The following DLG2 variants were observed in gnomAD, a reference collection of about 807,000 sequenced individuals.
The protein encoded by DLG2 is discs large MAGUK scaffold protein 2.
In DLG2, 45 loss-of-function variants were observed where a neutral mutation model predicts 132.5. That is an observed-to-expected ratio of 0.34 (90% CI 0.27 to 0.44). The LOEUF (loss-of-function observed/expected upper bound fraction) is 0.44. DLG2 is among the 20% of genes least tolerant of loss of function. The probability of loss-of-function intolerance (pLI) is 1.00; values close to 1 mark genes in which losing one functional copy is unlikely to be tolerated. For missense variants in DLG2, 1,045 were observed against 1,196.9 expected, an observed-to-expected ratio of 0.87 and a Z score of 1.87; for synonymous variants, 424 against 419.6, an observed-to-expected ratio of 1.01 and a Z score of -0.13.
chr11:83,722,862 T>C (rs114365074), intron 18 of DLG2, among the ~76,000 whole-genome samples: 1,865 of 152,320 alleles, frequency 0.012, 32 homozygotes, highest in African/African-American at 0.042. Context: ...TATAGGAGCA[T>C]ATGAAATGAC....
At chr11:83,679,723 C>T (rs1028880601) in intron 18 of DLG2, among the ~76,000 whole-genome samples, 7 of 152,136 alleles carry the variant, frequency 4.6e-5, no homozygotes, top group African/African-American at 1.7e-4. Context: ...TTTCATTGGG[C>T]ATCACTTTGT....
At chr11:83,636,628 C>A (rs2064921988) in intron 18 of DLG2, among the ~76,000 whole-genome samples, 2 of 152,128 alleles carry the variant, frequency 1.3e-5, no homozygotes, top group Admixed American at 1.3e-4. Context: ...GGAAACAATT[C>A]TCTGACACTT....
At chr11:84,334,460 T>G (rs1249142499) in intron 7 of DLG2, among the ~76,000 whole-genome samples, 2 of 152,190 alleles carry the variant, frequency 1.3e-5, no homozygotes, top group Non-Finnish European at 2.9e-5. Context: ...AGTGACATAT[T>G]ACAAGTTTTC....
intron 6 of DLG2, among the ~76,000 whole-genome samples, chr11:84,943,647 C>A (rs1404152232): frequency 6.6e-6 from 1 of 152,222 alleles, no homozygotes; most frequent in African/African-American, 2.4e-5. Flanking sequence ...TTCATCCCCC[C>A]GATTTTTAAC....
At chr11:84,345,679 G>A (rs1352493762) in intron 7 of DLG2, among the ~76,000 whole-genome samples, 1 of 151,712 alleles carries the variant, frequency 6.6e-6, no homozygotes, top group African/African-American at 2.4e-5. Flanking sequence ...TCCTTCTCTG[G>A]TACTTTGTAA....
At chr11:85,605,216 C>G (rs990833230) in intron 2 of DLG2, among the ~76,000 whole-genome samples, 1 of 152,122 alleles carries the variant, frequency 6.6e-6, no homozygotes, top group Non-Finnish European at 1.5e-5. Context: ...AGTGGCTTGT[C>G]CAAGATCACA....
chr11:84,815,839 A>G (rs1269656927), intron 6 of DLG2, among the ~76,000 whole-genome samples: 3 of 152,046 alleles, frequency 2.0e-5, no homozygotes, highest in Non-Finnish European at 2.9e-5. Flanking sequence ...ATAGTGTGCC[A>G]CCTCATAGTG....
chr11:83,764,918 G>C (rs2094077237), intron 18 of DLG2, among the ~76,000 whole-genome samples: 1 of 152,222 alleles, frequency 6.6e-6, no homozygotes, highest in South Asian at 2.1e-4. Flanking sequence ...AGAATGATAG[G>C]CTGATAGGCC....
intron 9 of DLG2, among the ~76,000 whole-genome samples, chr11:84,127,480 T>G (rs2094227956): frequency 6.6e-6 from 1 of 152,224 alleles, no homozygotes; most frequent in Non-Finnish European, 1.5e-5. Context: ...CAAGGTTGAT[T>G]CCTTGTGAGG....
intron 5 of DLG2, among the ~76,000 whole-genome samples, chr11:85,130,705 A>C (rs1283038732): frequency 6.6e-6 from 1 of 152,212 alleles, no homozygotes; most frequent in Non-Finnish European, 1.5e-5. Flanking sequence ...GTATTAAACT[A>C]AGATATAATT....
chr11:85,600,252 AG>A (rs1262300245), intron 2 of DLG2, among the ~76,000 whole-genome samples: 1 of 152,056 alleles, frequency 6.6e-6, no homozygotes, highest in Non-Finnish European at 1.5e-5. Context: ...TGCTTACTCA[AG>A]GAAATTGTTC....
chr11:84,483,019 G>A (rs1184786592), intron 7 of DLG2, among the ~76,000 whole-genome samples: 1 of 152,112 alleles, frequency 6.6e-6, no homozygotes, highest in Non-Finnish European at 1.5e-5. Context: ...TAAACTTATA[G>A]AGACAAAAGC....
chr11:84,574,956 T>C (rs1294363750), intron 6 of DLG2, among the ~76,000 whole-genome samples: 2 of 152,080 alleles, frequency 1.3e-5, no homozygotes, highest in Admixed American at 1.3e-4. Flanking sequence ...CCTGTCAATA[T>C]GTCTTTGAGA....
chr11:84,540,871 A>G, intron 6 of DLG2, among the ~76,000 whole-genome samples: 1 of 152,162 alleles, frequency 6.6e-6, no homozygotes, highest in Non-Finnish European at 1.5e-5. Context: ...ATAAAAAAGG[A>G]TGAGTTCATG....
intron 4 of DLG2, among the ~76,000 whole-genome samples, chr11:85,266,455 G>A (rs2077217657): frequency 1.3e-5 from 2 of 152,180 alleles, no homozygotes; most frequent in Admixed American, 6.5e-5. Flanking sequence ...AGTAGGGCCT[G>A]TTGGGGGATG....
intron 11 of DLG2, among the ~76,000 whole-genome samples, chr11:84,051,745 C>T (rs1257112416): frequency 4.0e-5 from 6 of 150,252 alleles, no homozygotes; most frequent in Admixed American, 4.0e-4. Flanking sequence ...GCACGTTGTG[C>T]ACATGTACCC....
intron 18 of DLG2, among the ~76,000 whole-genome samples, chr11:83,717,720 A>G (rs754538614): frequency 6.6e-6 from 1 of 152,208 alleles, no homozygotes; most frequent in African/African-American, 2.4e-5. Context: ...TAGATGATGC[A>G]ATGCAAGCCA....
At chr11:84,579,061 G>A (rs1017654608) in intron 6 of DLG2, among the ~76,000 whole-genome samples, 5 of 151,902 alleles carry the variant, frequency 3.3e-5, no homozygotes, top group Non-Finnish European at 5.9e-5. Context: ...TTTGCCTCCC[G>A]CCATGATTCT....
intron 7 of DLG2, among the ~76,000 whole-genome samples, chr11:84,366,008 C>T (rs146957183): frequency 0.052 from 7,950 of 151,800 alleles, 694 homozygotes; most frequent in African/African-American, 0.18. Context: ...AGACACATAA[C>T]TGTCAGATTC....
Sources: gnomAD v4.1 joint callset for allele counts (sites outside exome capture counted in the v4.1 genomes callset) on GRCh38, gnomAD v4.1.1 for gene constraint, MANE v1.5 for transcripts, NCBI Gene and HGNC (gene_info 2026-07-23, HGNC 2026-07-21) for gene names.